RIT2: variants seen among roughly 807,000 people sequenced by gnomAD.
The protein encoded by RIT2 is GTP-binding protein Rit2.
Under a neutral mutation model 23.7 loss-of-function variants are expected in RIT2, and 24 were observed. The ratio of observed to expected loss-of-function variants is 1.01; its 90% CI spans 0.73 to 1.43. The LOEUF is 1.43. Among genes scored for constraint, RIT2 ranks in the 40% most tolerant of loss-of-function variants. RIT2 has a pLI of 0.00. For missense variants in RIT2, 236 were observed against 266.9 expected (o/e 0.88, Z 0.81); for synonymous variants, 107 against 91.1 (o/e 1.17, Z -0.99).
chr18:42,953,510 C>T (rs916469519), intron 3 of RIT2, among the ~76,000 whole-genome samples: 1 of 152,106 alleles, frequency 6.6e-6, no homozygotes, highest in Non-Finnish European at 1.5e-5. Flanking sequence ...GTAGAGAAGC[C>T]AGTGGTAGCA....
chr18:43,008,757 T>A (rs1254882498), intron 2 of RIT2, among the ~76,000 whole-genome samples: 1 of 151,490 alleles, frequency 6.6e-6, no homozygotes, highest in African/African-American at 2.4e-5. Context: ...CTTTCTATCT[T>A]GGAAAAAAAA....
At chr18:43,000,948 G>A (rs1911089878) in intron 2 of RIT2, among the ~76,000 whole-genome samples, 1 of 151,980 alleles carries the variant, frequency 6.6e-6, no homozygotes, top group African/African-American at 2.4e-5. Context: ...AACTCTCTTG[G>A]GCTGTAGGGG....
chr18:43,016,072 A>T (rs72899291), intron 2 of RIT2, among the ~76,000 whole-genome samples: 7,164 of 151,876 alleles, frequency 0.047, 212 homozygotes, highest in Middle Eastern at 0.13. Flanking sequence ...ATACATTTTT[A>T]AAAAATGCTA....
chr18:42,842,644 G>T (rs651746), intron 4 of RIT2, among the ~76,000 whole-genome samples: 2,642 of 152,086 alleles, frequency 0.017, 100 homozygotes, highest in African/African-American at 0.06. Flanking sequence ...ATTACAGATT[G>T]AGCATCCCAT....
At chr18:42,975,449 A>G (rs942241909) in intron 2 of RIT2, among the ~76,000 whole-genome samples, 13 of 151,976 alleles carry the variant, frequency 8.6e-5, no homozygotes, top group Non-Finnish European at 1.8e-4. Context: ...AATTTTGCAT[A>G]TGGATGAACA....
At chr18:42,762,885 G>A (rs1467485371) in intron 4 of RIT2, among the ~76,000 whole-genome samples, 2 of 152,108 alleles carry the variant, frequency 1.3e-5, no homozygotes, top group African/African-American at 4.8e-5. Context: ...ATGAACATTA[G>A]CAAGATGAGT....
intron 4 of RIT2, among the ~76,000 whole-genome samples, chr18:42,812,569 T>A (rs1270457268): frequency 3.9e-5 from 6 of 152,186 alleles, no homozygotes; most frequent in African/African-American, 1.2e-4. Context: ...TTAAGTGTTC[T>A]ACTCCTAGGA....
chr18:43,099,388 G>A (rs929379390), intron 1 of RIT2, among the ~76,000 whole-genome samples: 6 of 151,856 alleles, frequency 4.0e-5, no homozygotes, highest in African/African-American at 9.7e-5. Context: ...ATTAAGTAAC[G>A]TAAGTTTGCA....
At chr18:42,795,991 C>G (rs1905339136) in intron 4 of RIT2, among the ~76,000 whole-genome samples, 1 of 152,130 alleles carries the variant, frequency 6.6e-6, no homozygotes, top group Admixed American at 6.5e-5. Context: ...GACCCCTTGG[C>G]TCTACCAATC....
chr18:42,896,673 A>G (rs1465034315), intron 4 of RIT2, among the ~76,000 whole-genome samples: 3 of 152,222 alleles, frequency 2.0e-5, no homozygotes, highest in African/African-American at 7.2e-5. Context: ...TTTTTAATCT[A>G]TTGTGATAAG....
intron 1 of RIT2, among the ~76,000 whole-genome samples, chr18:43,064,301 C>T (rs1456301398): frequency 6.6e-5 from 10 of 152,104 alleles, no homozygotes; most frequent in South Asian, 2.1e-4. Flanking sequence ...ATTTGTTAAG[C>T]GTTGGTTTCA....
intron 2 of RIT2, among the ~76,000 whole-genome samples, chr18:42,997,698 C>T (rs1034253194): frequency 9.9e-5 from 15 of 151,920 alleles, no homozygotes; most frequent in Admixed American, 3.9e-4. Flanking sequence ...AAAAAAATCA[C>T]GTCTCTCACA....
chr18:42,925,606 T>C (rs1909160836), intron 3 of RIT2, among the ~76,000 whole-genome samples: 1 of 151,962 alleles, frequency 6.6e-6, no homozygotes, highest in Non-Finnish European at 1.5e-5. Context: ...CGTCTAGTCC[T>C]TTTTGAAAAT....
intron 2 of RIT2, among the ~76,000 whole-genome samples, chr18:43,005,158 T>C (rs1688938483): frequency 6.6e-6 from 1 of 151,884 alleles, no homozygotes; most frequent in African/African-American, 2.4e-5. Flanking sequence ...TAATTCTATC[T>C]CATCTCCTTC....
At chr18:43,025,003 T>C (rs1398926716) in intron 2 of RIT2, among the ~76,000 whole-genome samples, 2 of 150,090 alleles carry the variant, frequency 1.3e-5, no homozygotes, top group African/African-American at 4.9e-5. Context: ...AGGTCGGGAG[T>C]TCAAAACTAG....
At chr18:42,780,064 T>TTTG (rs1913774714) in intron 4 of RIT2, among the ~76,000 whole-genome samples, 2 of 139,226 alleles carry the variant, frequency 1.4e-5, no homozygotes, top group Non-Finnish European at 3.1e-5. Context: ...TTTTTTTTTT[T>TTTG]TTTTTTTTTT....
chr18:42,880,634 C>G (rs1351210162), intron 4 of RIT2, among the ~76,000 whole-genome samples: 2 of 151,988 alleles, frequency 1.3e-5, no homozygotes, highest in African/African-American at 2.4e-5. Context: ...TTTCCTGTCT[C>G]CATATCTCGT....
At chr18:43,022,157 C>A (rs1285884418) in intron 2 of RIT2, among the ~76,000 whole-genome samples, 2 of 152,150 alleles carry the variant, frequency 1.3e-5, no homozygotes, top group Admixed American at 1.3e-4. Context: ...TGTGCCACAA[C>A]ATGGACAGAG....
intron 4 of RIT2, among the ~76,000 whole-genome samples, chr18:42,795,700 G>C (rs1905329764): frequency 6.6e-6 from 1 of 152,272 alleles, no homozygotes; most frequent in Non-Finnish European, 1.5e-5. Flanking sequence ...TCCTGAGTCT[G>C]TTGGGGCCTT....
Sources: allele counts gnomAD v4.1 joint callset (sites outside exome capture counted in the v4.1 genomes callset), GRCh38; gene constraint gnomAD v4.1.1; transcripts MANE v1.5; gene names NCBI Gene and HGNC (gene_info 2026-07-23, HGNC 2026-07-21).